TMEM135: variants seen among roughly 807,000 people sequenced by gnomAD.
TMEM135 encodes the protein peroxisomal membrane protein 52.
A neutral mutation model predicts 60.3 loss-of-function variants in TMEM135; 30 were observed. The ratio of observed to expected loss-of-function variants is 0.50; its 90% CI spans 0.37 to 0.68. The LOEUF is 0.68. TMEM135 is among the 30% of genes least tolerant of loss of function. TMEM135 has a pLI of 0.00. For missense variants in TMEM135, 468 were observed against 548.8 expected, an observed-to-expected ratio of 0.85 and a Z score of 1.47; for synonymous variants, 190 against 186.7, an observed-to-expected ratio of 1.02 and a Z score of -0.14.
intron 5 of TMEM135, among the ~76,000 whole-genome samples, chr11:87,179,526 A>G (rs1184126331): frequency 6.6e-6 from 1 of 152,042 alleles, no homozygotes; most frequent in Non-Finnish European, 1.5e-5. Flanking sequence ...TTACTTTTAA[A>G]TATGGTGTGA....
At chr11:87,241,905 G>C (rs571939202) in intron 6 of TMEM135, among the ~76,000 whole-genome samples, 1 of 151,944 alleles carries the variant, frequency 6.6e-6, no homozygotes, top group Non-Finnish European at 1.5e-5. Context: ...TGCACAATGT[G>C]CAGGTTAGTT....
chr11:87,054,299 G>A (rs943246687), intron 1 of TMEM135, among the ~76,000 whole-genome samples: 22 of 152,234 alleles, frequency 1.4e-4, no homozygotes, highest in South Asian at 2.1e-4. Flanking sequence ...GCTGGGCATG[G>A]TGGCGTGTGC....
intron 4 of TMEM135, among the ~76,000 whole-genome samples, chr11:87,128,589 A>G (rs1937805598): frequency 6.6e-6 from 1 of 152,194 alleles, no homozygotes; most frequent in Non-Finnish European, 1.5e-5. Flanking sequence ...TACCTTCAGG[A>G]TACTTGATGA....
At chr11:87,279,480 T>G (rs1012100340) in intron 6 of TMEM135, among the ~76,000 whole-genome samples, 3 of 152,234 alleles carry the variant, frequency 2.0e-5, no homozygotes, top group African/African-American at 7.2e-5. Context: ...TAACATTTCT[T>G]GAGTGCTTAG....
At chr11:87,038,575 T>C (rs1444449485) in intron 1 of TMEM135, among the ~76,000 whole-genome samples, 1 of 150,726 alleles carries the variant, frequency 6.6e-6, no homozygotes, top group Non-Finnish European at 1.5e-5. Context: ...GGACCTGCAA[T>C]CTTTCCTCAT....
intron 4 of TMEM135, among the ~76,000 whole-genome samples, chr11:87,147,248 G>A (rs1938440470): frequency 6.6e-6 from 1 of 152,128 alleles, no homozygotes. Flanking sequence ...GCTTGAACCT[G>A]GCAGGCGAAG....
At position 87,204,737 on chromosome 11, in the gene TMEM135, ACTGAGGAGGAGG is replaced by A. The variant is rs201100037; in HGVS notation, c.463-31888_463-31877del. 7.6e-3 allele frequency among the ~76,000 whole-genome samples: 1,155 copies of A among 152,204 alleles called. 19 individuals carry two copies. The highest frequency in any genetic ancestry group is 0.026 in the African/African-American group (1,081 of 41,512). ...AGATCTTTTTTCTCATCATCTTTAC[ACTGAGGAGGAGG>A]CTGAGGAGGAGGAAGAGGAGGAGGT... On this transcript the variant is annotated intron_variant, in intron 5 of 14. Coordinates refer to ENST00000305494, the MANE Select transcript of TMEM135 (RefSeq NM_022918.4).
At chr11:87,148,554 G>T (rs1292565663) in intron 4 of TMEM135, among the ~76,000 whole-genome samples, 1 of 152,138 alleles carries the variant, frequency 6.6e-6, no homozygotes, top group Non-Finnish European at 1.5e-5. Context: ...CTGGTTTTGA[G>T]AAATTATTGC....
At chr11:87,188,949 C>CTA (rs1939720407) in intron 5 of TMEM135, among the ~76,000 whole-genome samples, 1 of 152,062 alleles carries the variant, frequency 6.6e-6, no homozygotes, top group Non-Finnish European at 1.5e-5. Flanking sequence ...TTCTTCATAA[C>CTA]TATAATTATT....
At position 87,163,410 on chromosome 11, in the gene TMEM135, G is replaced by T. The variant is rs543415405; in HGVS notation, c.462+6004G>T. 1.1e-3 allele frequency among the ~76,000 whole-genome samples: 160 copies of T among 143,158 alleles called. 2 individuals carry two copies. Among genetic ancestry groups the T allele is most frequent in the African/African-American group, 4.0e-3 (155 of 38,426 alleles). The allele number at this position is 143,158 out of a possible 152,430, so 93.9% of individuals were successfully genotyped here. On this transcript the variant is annotated intron_variant, in intron 5 of 14. Transcript: ENST00000305494. ...GCATAGTATTCCATGGTGTATATGT[G>T]CCACATTTTCTGAATCCAGTCTATC...
chr11:87,107,361 C>T (rs868601171), intron 4 of TMEM135, among the ~76,000 whole-genome samples: 152 of 151,922 alleles, frequency 1.0e-3, no homozygotes, highest in Middle Eastern at 3.4e-3. Flanking sequence ...GTGTGCTGCA[C>T]CCATTAACTC....
rs1555106504 is a variant in TMEM135, at chr11:87,120,468, A to ATTTTTT, written c.396+29076_396+29077insTTTTTT. ...ATAATAAAATATAGCATGAGATGAA[A>ATTTTTT]TTTCTTTTTTTTTTTTTTTTTGAGA... On this transcript the variant is annotated intron_variant, in intron 4 of 14. Transcript: ENST00000305494. Among the ~76,000 whole-genome samples, 107 of 77,052 alleles carry ATTTTTT rather than the reference A, an allele frequency of 1.4e-3. 2 individuals are homozygous for ATTTTTT. Among genetic ancestry groups the ATTTTTT allele is most frequent in the East Asian group, 1.7e-3 (3 of 1,786 alleles). 50.5% of individuals were successfully genotyped at this position (77,052 alleles called of 152,430 possible). A position where few individuals can be genotyped will look rare whatever the true frequency, so the allele number is the denominator to read the frequency against.
intron 4 of TMEM135, among the ~76,000 whole-genome samples, chr11:87,150,438 A>C (rs1938530244): frequency 6.6e-6 from 1 of 152,192 alleles, no homozygotes; most frequent in African/African-American, 2.4e-5. Context: ...TTCCTACTAC[A>C]GAAGATGGGA....
chr11:87,241,371 T>A (rs148316763), intron 6 of TMEM135, among the ~76,000 whole-genome samples: 1,523 of 152,228 alleles, frequency 0.01, 10 homozygotes, highest in Non-Finnish European at 0.016. Flanking sequence ...TTTTTAATTT[T>A]TATAGGTATA....
At chr11:87,266,670 T>G (rs1308835823) in intron 6 of TMEM135, among the ~76,000 whole-genome samples, 2 of 152,232 alleles carry the variant, frequency 1.3e-5, no homozygotes, top group African/African-American at 2.4e-5. Flanking sequence ...CAGACATGAA[T>G]GAACCTCCTC....
At chr11:87,176,045 T>G (rs1939358660) in intron 5 of TMEM135, among the ~76,000 whole-genome samples, 1 of 152,168 alleles carries the variant, frequency 6.6e-6, no homozygotes, top group African/African-American at 2.4e-5. Flanking sequence ...TTAATTGACT[T>G]TTTTGTTCTC....
chr11:87,128,494 G>T (rs655907), intron 4 of TMEM135, among the ~76,000 whole-genome samples: 72,415 of 151,784 alleles, frequency 0.48, 17,552 homozygotes, highest in East Asian at 0.67. Context: ...TGATTACTGA[G>T]TTACTGCTAT....
intron 4 of TMEM135, among the ~76,000 whole-genome samples, chr11:87,127,541 A>G (rs1315107071): frequency 6.6e-6 from 1 of 152,218 alleles, no homozygotes; most frequent in Non-Finnish European, 1.5e-5. Flanking sequence ...TGTAGTTAGA[A>G]GTGAGTATAA....
rs536967092 is a variant in TMEM135, at chr11:87,154,428, C to T, written c.397-2913C>T. Reference sequence around the variant, plus strand: ...TACATCTAGGCTGTTGTAAATAATACTACTGTGAACATATGCAGATATCTC... The same window carrying T: ...TACATCTAGGCTGTTGTAAATAATATTACTGTGAACATATGCAGATATCTC... On this transcript the variant is annotated intron_variant, in intron 4 of 14. Transcript: ENST00000305494. Among the ~76,000 whole-genome samples, 5 of 152,248 alleles carry T rather than the reference C, an allele frequency of 3.3e-5. No individual in the cohort carries two copies. In the East Asian group the frequency reaches 7.7e-4, roughly 23 times the overall value.
Sources: gnomAD v4.1 joint callset for allele counts (sites outside exome capture counted in the v4.1 genomes callset) on GRCh38, gnomAD v4.1.1 for gene constraint, MANE v1.5 for transcripts, NCBI Gene and HGNC (gene_info 2026-07-23, HGNC 2026-07-21) for gene names.